The following PTPRJ variants were observed in gnomAD, a reference collection of about 807,000 sequenced individuals.
The protein encoded by PTPRJ is protein tyrosine phosphatase receptor type J, also known as receptor-type tyrosine-protein phosphatase eta.
In PTPRJ, 129 loss-of-function variants were observed where a neutral mutation model predicts 141.3. The observed-to-expected ratio is 0.91, with a 90% CI of 0.79 to 1.06. The LOEUF (loss-of-function observed/expected upper bound fraction) is 1.06. Among genes scored for constraint, PTPRJ ranks in the 50% least tolerant of loss-of-function variants. The pLI, the probability that PTPRJ is intolerant of heterozygous loss-of-function variation, is 0.00. For synonymous variants in PTPRJ, 610 were observed against 640.5 expected (o/e 0.95, Z 0.72); for missense variants, 1,601 against 1,679.7 (o/e 0.95, Z 0.82).
intron 1 of PTPRJ, among the ~76,000 whole-genome samples, chr11:48,075,914 A>G (rs10769313): frequency 0.57 from 86,415 of 151,740 alleles, 28,341 homozygotes; most frequent in East Asian, 0.8. Flanking sequence ...CTCTCCTGGA[A>G]CTGGGTGTTT....
intron 1 of PTPRJ, among the ~76,000 whole-genome samples, chr11:48,052,387 A>G (rs1166494225): frequency 2.0e-5 from 3 of 152,232 alleles, no homozygotes; most frequent in African/African-American, 4.8e-5. Context: ...CCAGGACTTC[A>G]GGAGATCCTG....
At chr11:48,006,656 C>G (rs1277933329) in intron 1 of PTPRJ, among the ~76,000 whole-genome samples, 1 of 152,196 alleles carries the variant, frequency 6.6e-6, no homozygotes, top group Non-Finnish European at 1.5e-5. Flanking sequence ...TCCTACTGAG[C>G]ATTACCTTAA....
chr11:48,087,217 C>T lies in PTPRJ; in HGVS notation c.97-22841C>T, dbSNP rs11826140. Among the ~76,000 whole-genome samples the T allele has an allele frequency of 7.6e-3, 1,157 of 152,198 alleles. 16 individuals are homozygous for T. Among genetic ancestry groups the T allele is most frequent in the African/African-American group, 0.026 (1,082 of 41,514 alleles). ...GCAGTGGTTCCCAAACACTGGTGTG[C>T]AGATGGAACACAGCCCGTGAAGTTT... On this transcript the variant is annotated intron_variant, in intron 1 of 24. Coordinates refer to ENST00000418331, the MANE Select transcript of PTPRJ (RefSeq NM_002843.4).
chr11:48,167,427 C>A lies in PTPRJ; in HGVS notation c.*65C>A, dbSNP rs529989420. ...GCACCCACAGCGAAGGCACATGCCC[C>A]GATGTCGACATGTTTTTATATGTCT... On this transcript the variant is annotated 3_prime_UTR_variant, in exon 25 of 25. Transcript: ENST00000418331. The A allele has an allele frequency of 3.7e-5, 55 of 1,502,878 alleles. No individual in the cohort carries two copies. The South Asian group carries it at 3.7e-4, about 10-fold the overall frequency. 93.1% of individuals were successfully genotyped at this position (1,502,878 alleles called of 1,614,324 possible). A position where few individuals can be genotyped will look rare whatever the true frequency, so the allele number is the denominator to read the frequency against.
intron 1 of PTPRJ, among the ~76,000 whole-genome samples, chr11:48,056,667 C>T (rs1431628081): frequency 6.6e-6 from 1 of 152,048 alleles, no homozygotes; most frequent in Admixed American, 6.6e-5. Context: ...TGCTAAAACT[C>T]GGCAGCCAGG....
intron 18 of PTPRJ, 116 bp downstream of exon 18, chr11:48,150,299 C>A (rs1857450036): frequency 2.6e-6 from 2 of 765,582 alleles, no homozygotes; most frequent in Non-Finnish European, 4.4e-6. Context: ...GGACTGTAGG[C>A]AGTTGGGACA....
chr11:48,137,352 A>C (rs1857129666), intron 10 of PTPRJ, 71 bp downstream of exon 10: 1 of 1,505,322 alleles, frequency 6.6e-7, no homozygotes, highest in Admixed American at 2.0e-5. Flanking sequence ...AGTCCTCCCA[A>C]GTCTGTAGTT....
At chr11:48,070,005 T>C (rs1315832009) in intron 1 of PTPRJ, among the ~76,000 whole-genome samples, 1 of 152,178 alleles carries the variant, frequency 6.6e-6, no homozygotes, top group African/African-American at 2.4e-5. Context: ...TCCCAAAATA[T>C]AATGAACAAA....
At chr11:48,087,625 G>A (rs1855750621) in intron 1 of PTPRJ, among the ~76,000 whole-genome samples, 1 of 152,152 alleles carries the variant, frequency 6.6e-6, no homozygotes, top group Non-Finnish European at 1.5e-5. Flanking sequence ...AGGTCACACA[G>A]CAAATCTGAA....
chr11:48,033,070 A>G (rs1251586313), intron 1 of PTPRJ, among the ~76,000 whole-genome samples: 3 of 151,612 alleles, frequency 2.0e-5, no homozygotes, highest in African/African-American at 7.3e-5. Flanking sequence ...AAAAAAAAAC[A>G]AGTCTAACAT....
intron 11 of PTPRJ, among the ~76,000 whole-genome samples, chr11:48,141,747 G>T (rs1222538288): frequency 6.6e-6 from 1 of 152,092 alleles, no homozygotes; most frequent in African/African-American, 2.4e-5. Context: ...CTGGGGGAGA[G>T]GACAAGGGCA....
intron 1 of PTPRJ, among the ~76,000 whole-genome samples, chr11:48,019,335 G>C (rs1367500505): frequency 1.3e-5 from 2 of 152,032 alleles, no homozygotes; most frequent in African/African-American, 4.8e-5. Context: ...CCAGGCCTCT[G>C]ACTTCACTAG....
chr11:48,075,148 G>T (rs915254359), intron 1 of PTPRJ, among the ~76,000 whole-genome samples: 13 of 144,234 alleles, frequency 9.0e-5, no homozygotes, highest in South Asian at 6.4e-4. Flanking sequence ...TAGTTAGTTA[G>T]TTAGTTAGTT....
At chr11:48,051,159 G>A (rs1191444992) in intron 1 of PTPRJ, among the ~76,000 whole-genome samples, 1 of 135,886 alleles carries the variant, frequency 7.4e-6, no homozygotes, top group Admixed American at 8.5e-5. Flanking sequence ...GCAATGATGC[G>A]ATCTTGGCTT....
intron 1 of PTPRJ, among the ~76,000 whole-genome samples, chr11:48,053,382 AT>A (rs1175693406): frequency 9.9e-6 from 1 of 100,642 alleles, no homozygotes; most frequent in East Asian, 2.3e-4. Context: ...TATATAAAAT[AT>A]ATATAAAAAT....
At chr11:47,981,115 G>A (rs1348730431) in intron 1 of PTPRJ, 107 bp downstream of exon 1, 1 of 1,102,696 alleles carries the variant, frequency 9.1e-7, no homozygotes, top group Non-Finnish European at 1.1e-6. Flanking sequence ...GAAGGGGGCG[G>A]GGGTCCGGAT....
chr11:48,037,813 C>CA (rs1387932300), intron 1 of PTPRJ, among the ~76,000 whole-genome samples: 34 of 149,246 alleles, frequency 2.3e-4, no homozygotes, highest in African/African-American at 6.4e-4. Flanking sequence ...AACTCTGCCT[C>CA]AAAAAAAAAG....
chr11:48,036,058 A>G (rs1263331951), intron 1 of PTPRJ, among the ~76,000 whole-genome samples: 1 of 152,212 alleles, frequency 6.6e-6, no homozygotes, highest in Non-Finnish European at 1.5e-5. Context: ...TAGCTGGGTA[A>G]AAAATAGCAT....
Position 48,091,757 on chromosome 11 carries a change from A to G in PTPRJ, c.97-18301A>G, listed in dbSNP as rs575685236. On this transcript the variant is annotated intron_variant, in intron 1 of 24. Coordinates refer to ENST00000418331, the MANE Select transcript of PTPRJ (RefSeq NM_002843.4). ...CAAGAATGAAGTCAGCTTTTTGGAA[A>G]TACCTCCCAAGAGGCCTTGCTCTTT... Among the ~76,000 whole-genome samples, 4 of 152,308 alleles carry G rather than the reference A, an allele frequency of 2.6e-5. No homozygotes were observed. The East Asian group carries it at 7.7e-4, about 29-fold the overall frequency.
Sources: gnomAD v4.1 joint callset for allele counts (sites outside exome capture counted in the v4.1 genomes callset) on GRCh38, gnomAD v4.1.1 for gene constraint, MANE v1.5 for transcripts, NCBI Gene and HGNC (gene_info 2026-07-23, HGNC 2026-07-21) for gene names.